Variants in PEX2 observed in about 807,000 individuals in gnomAD.
PEX2 encodes peroxisome biogenesis factor 2.
A neutral mutation model predicts 25.2 loss-of-function variants in PEX2; 19 were observed. The observed-to-expected ratio is 0.75, with a 90% CI of 0.53 to 1.10. The LOEUF (loss-of-function observed/expected upper bound fraction) is 1.10, where lower values mean the gene tolerates loss of function less well. PEX2 is among the 50% of genes least tolerant of loss of function. PEX2 has a pLI of 0.00. For missense variants in PEX2, 347 were observed against 350.6 expected (o/e 0.99, Z 0.08); for synonymous variants, 141 against 127.7 (o/e 1.10, Z -0.70).
chr8:76,985,911 T>TA (rs554308093), intron 3 of PEX2, among the ~76,000 whole-genome samples: 90 of 152,332 alleles, frequency 5.9e-4, no homozygotes, highest in African/African-American at 2.0e-3. Context: ...AAAAAGATGA[T>TA]AAACACAATT....
chr8:76,988,914 T>C (rs1286839264), intron 1 of PEX2, among the ~76,000 whole-genome samples: 2 of 150,584 alleles, frequency 1.3e-5, no homozygotes, highest in Non-Finnish European at 2.9e-5. Flanking sequence ...AGCAACTCAC[T>C]GGGTGCAGTG....
At chr8:77,000,853 G>A (rs1807493819), upstream of PEX2, 1 of 152,330 alleles carries the variant, frequency 6.6e-6, no homozygotes, top group Non-Finnish European at 1.5e-5. Context: ...CAGAGCTTCT[G>A]GGAATGGGGT....
upstream of PEX2, chr8:77,000,926 G>T (rs963610113): frequency 1.3e-5 from 2 of 152,214 alleles, no homozygotes; most frequent in African/African-American, 4.8e-5. Flanking sequence ...CTGCCTTCTC[G>T]TTCTGTGGTA....
At chr8:76,996,167 G>A (rs780848806) in intron 1 of PEX2, among the ~76,000 whole-genome samples, 2 of 152,150 alleles carry the variant, frequency 1.3e-5, no homozygotes, top group African/African-American at 4.8e-5. Context: ...TACAACCAGA[G>A]AAAACACTTA....
chr8:76,999,977 G>A lies in PEX2; in HGVS notation c.-160+13C>T, dbSNP rs1219573777. ...TCGGGTTTGCACTCCGGCTCTCTAG[G>A]GCAGACACTGACCTTAGGAGTCTGC... On this transcript the variant is annotated intron_variant, in intron 1 of 3. Coordinates refer to ENST00000357039, the MANE Select transcript of PEX2 (RefSeq NM_000318.3). 2.6e-5 allele frequency: 12 copies of A among 456,542 alleles called. No homozygotes were observed. The East Asian group carries it at 6.3e-4, about 24-fold the overall frequency. The allele number at this position is 456,542 out of a possible 1,614,324, so 28.3% of individuals were successfully genotyped here.
At chr8:76,996,332 A>G (rs1043175984) in intron 1 of PEX2, among the ~76,000 whole-genome samples, 1 of 152,246 alleles carries the variant, frequency 6.6e-6, no homozygotes, top group Non-Finnish European at 1.5e-5. Flanking sequence ...CAAAGAGATT[A>G]GATGACTTGT....
intron 3 of PEX2, among the ~76,000 whole-genome samples, chr8:76,984,685 G>A (rs1157826670): frequency 1.3e-5 from 2 of 152,080 alleles, no homozygotes; most frequent in Non-Finnish European, 2.9e-5. Flanking sequence ...CACTACTACT[G>A]ACTCCAAAGG....
intron 2 of PEX2, chr8:76,987,776 G>A (rs1325977811): frequency 6.6e-6 from 1 of 152,138 alleles, no homozygotes; most frequent in Non-Finnish European, 1.5e-5. Context: ...AGAGAAATAA[G>A]CCAAGAAAAA....
chr8:77,000,235 AGCCGAAGG>A (rs1314872703), upstream of PEX2: 1 of 300,476 alleles, frequency 3.3e-6, no homozygotes, highest in African/African-American at 2.3e-5. Context: ...CAAGCCGAAG[AGCCGAAGG>A]GCCGAAAAGC....
chr8:76,981,698 T>C lies in PEX2; in HGVS notation c.*1563A>G, dbSNP rs1806832144. ...ATAAGAAATGTACGTGCAACAAATC[T>C]ACAAATATAGTAAAATATAGTGATG... is the stretch of plus-strand genomic sequence containing the variant. On this transcript the variant is annotated 3_prime_UTR_variant, in exon 4 of 4. Transcript: ENST00000357039. 1 of 152,190 alleles carries C rather than the reference T, an allele frequency of 6.6e-6. No homozygotes were observed. Among genetic ancestry groups the C allele is most frequent in the Non-Finnish European group, 1.5e-5 (1 of 68,034 alleles). 9.4% of individuals were successfully genotyped at this position (152,190 alleles called of 1,614,324 possible). A position where few individuals can be genotyped will look rare whatever the true frequency, so the allele number is the denominator to read the frequency against.
Position 76,983,554 on chromosome 8 carries a change from G to C in PEX2, c.625C>G (p.Pro209Ala). ...GFAEFLIFLL[P>A]LINVQKLKAK... is the part of the protein sequence containing the mutation. ...TTCAACTTCTGGACATTGATAAGTG[G>C]TAAGAGAAAAATCAGAAATTCAGCA... The change falls in exon 4 of 4, where the codon CCA becomes GCA. Residue 209 changes from proline (P) to alanine (A), a missense_variant. Transcript: ENST00000357039. The C allele has an allele frequency of 6.2e-7, 1 of 1,613,998 alleles. No homozygotes were observed. The highest frequency in any genetic ancestry group is 8.5e-7 in the Non-Finnish European group (1 of 1,180,026).
At chr8:76,993,035 G>A (rs1225814973) in intron 1 of PEX2, among the ~76,000 whole-genome samples, 3 of 152,256 alleles carry the variant, frequency 2.0e-5, no homozygotes, top group South Asian at 4.1e-4. Flanking sequence ...GTTGCACCAT[G>A]AGCTACATCC....
At chr8:76,993,427 G>C (rs1158218343) in intron 1 of PEX2, among the ~76,000 whole-genome samples, 1 of 152,038 alleles carries the variant, frequency 6.6e-6, no homozygotes, top group African/African-American at 2.4e-5. Flanking sequence ...GAAATCAAGA[G>C]GAAGACTATA....
intron 1 of PEX2, chr8:76,999,727 A>T: frequency 2.5e-6 from 1 of 401,048 alleles, no homozygotes; most frequent in Non-Finnish European, 4.9e-6. Flanking sequence ...TACTACGTGG[A>T]ATGCAGAGGG....
Position 76,983,693 on chromosome 8 carries a change from CTTTCCCCTCTG to C in PEX2, c.475_485del (p.Gln159ValfsTer23). On this transcript the variant is annotated frameshift_variant, in exon 4 of 4. Coordinates refer to ENST00000357039, the MANE Select transcript of PEX2 (RefSeq NM_000318.3). LOFTEE classifies it high-confidence loss of function. The stretch of plus-strand genomic sequence containing the variant: ...GGAGACGTTCTGTCAAAGTTGCAAA[CTTTCCCCTCTG>C]AAGGAAAATCAAAAAATTAATCAGC... 1 of 1,614,142 alleles carries C rather than the reference CTTTCCCCTCTG, an allele frequency of 6.2e-7. No homozygotes were observed. Among genetic ancestry groups the C allele is most frequent in the Non-Finnish European group, 8.5e-7 (1 of 1,180,026 alleles).
At chr8:76,984,248 ACCT>A (rs1362530694) in intron 3 of PEX2, 53 bp from the exon 4 acceptor site, 18 of 1,416,830 alleles carry the variant, frequency 1.3e-5, no homozygotes, top group African/African-American at 8.5e-5. Context: ...ATCTTGTACA[ACCT>A]CCTCAACTTA....
rs1266983372 is a variant in PEX2 at position 76,988,099 on chromosome 8, A to C, written c.-128+208T>G. 2.6e-5 allele frequency: 4 copies of C among 152,104 alleles called. No individual in the cohort carries two copies. The East Asian group carries it at 7.7e-4, about 29-fold the overall frequency. 9.4% of individuals were successfully genotyped at this position (152,104 alleles called of 1,614,324 possible). Reference sequence around the variant, plus strand: ...GATCTTGTCTATTTGTAACACATTCAACTTTCTTTGTAACAACGTAATCTT... The same window carrying C: ...GATCTTGTCTATTTGTAACACATTCCACTTTCTTTGTAACAACGTAATCTT... On this transcript the variant is annotated intron_variant, in intron 2 of 3. Coordinates refer to ENST00000357039, the MANE Select transcript of PEX2 (RefSeq NM_000318.3).
intron 1 of PEX2, among the ~76,000 whole-genome samples, chr8:76,997,944 G>A (rs1017373400): frequency 6.6e-6 from 1 of 152,156 alleles, no homozygotes; most frequent in African/African-American, 2.4e-5. Flanking sequence ...CTTTTCTCCT[G>A]AGGTTTCTTG....
Position 76,984,005 on chromosome 8 carries a change from C to T in PEX2, c.174G>A (p.Ala58=), listed in dbSNP as rs150987080. 25 of 1,614,044 alleles carry T rather than the reference C, an allele frequency of 1.5e-5. No homozygotes were observed. In the East Asian group the frequency reaches 2.9e-4, roughly 19 times the overall value. The part of the protein sequence containing the change: ...LLARFEPEVK[A]CLWVFLWRFT... Reference sequence around the variant, plus strand: ...ATCTCCACAAGAAAACCCATAAGCACGCTTTCACCTCTGGCTCAAAGCGAG... The same window carrying T: ...ATCTCCACAAGAAAACCCATAAGCATGCTTTCACCTCTGGCTCAAAGCGAG... Residue 58 remains alanine (A), a synonymous_variant, in exon 4 of 4, where the codon GCG becomes GCA. Transcript: ENST00000357039.
Sources: gnomAD v4.1 joint callset for allele counts (sites outside exome capture counted in the v4.1 genomes callset) on GRCh38, gnomAD v4.1.1 for gene constraint, MANE v1.5 for transcripts, NCBI Gene and HGNC (gene_info 2026-07-23, HGNC 2026-07-21) for gene names.